The following PLXNA4 variants were observed in gnomAD, a reference collection of about 807,000 sequenced individuals.
PLXNA4 encodes the protein plexin-A4.
Under a neutral mutation model 191.8 loss-of-function variants are expected in PLXNA4, and 44 were observed. The ratio of observed to expected loss-of-function variants is 0.23; its 90% CI spans 0.18 to 0.29. The LOEUF is 0.29. Ranked by LOEUF, PLXNA4 falls within the 10% of genes least tolerant of loss-of-function variation. The probability of loss-of-function intolerance (pLI) is 1.00; values close to 1 mark genes in which losing one functional copy is unlikely to be tolerated. For synonymous variants in PLXNA4, 1,082 were observed against 1,009.5 expected (o/e 1.07, Z -1.36); for missense variants, 1,800 against 2,488.8 (o/e 0.72, Z 5.89).
chr7:132,192,392 G>T (rs1412027503), intron 14 of PLXNA4, among the ~76,000 whole-genome samples: 1 of 151,602 alleles, frequency 6.6e-6, no homozygotes, highest in East Asian at 1.9e-4. Context: ...GTCAGTTGAA[G>T]AAGGAAGAAG....
intron 3 of PLXNA4, among the ~76,000 whole-genome samples, chr7:132,425,926 A>T (rs1795026297): frequency 6.6e-6 from 1 of 152,192 alleles, no homozygotes; most frequent in African/African-American, 2.4e-5. Context: ...CCTCCTGCCC[A>T]GGCTCCCTGA....
intron 3 of PLXNA4, among the ~76,000 whole-genome samples, chr7:132,394,983 G>T (rs1793693774): frequency 6.6e-6 from 1 of 152,254 alleles, no homozygotes. Context: ...ATCACATGCA[G>T]ATGTAGTCCT....
chr7:132,346,245 G>A (rs1210149771), intron 3 of PLXNA4, among the ~76,000 whole-genome samples: 1 of 152,206 alleles, frequency 6.6e-6, no homozygotes, highest in Non-Finnish European at 1.5e-5. Flanking sequence ...AATGAGATAT[G>A]TCATAGCTTT....
intron 1 of PLXNA4, among the ~76,000 whole-genome samples, chr7:132,514,142 C>A (rs1798846845): frequency 6.6e-6 from 1 of 151,604 alleles, no homozygotes; most frequent in South Asian, 2.1e-4. Context: ...AGCTCTGCCT[C>A]CTGGGTTCAT....
intron 30 of PLXNA4, among the ~76,000 whole-genome samples, chr7:132,139,106 G>GTGAC (rs1282753293): frequency 7.9e-5 from 12 of 152,334 alleles, no homozygotes; most frequent in African/African-American, 2.9e-4. Context: ...GCCTGTCTAG[G>GTGAC]TGACTCAGAC....
chr7:132,428,234 A>C (rs1044489743), intron 3 of PLXNA4, among the ~76,000 whole-genome samples: 2 of 152,128 alleles, frequency 1.3e-5, no homozygotes, highest in African/African-American at 4.8e-5. Context: ...TCTGGCCCAA[A>C]GAGCCAGCAC....
At chr7:132,485,766 G>A (rs529053398) in intron 3 of PLXNA4, among the ~76,000 whole-genome samples, 10 of 152,282 alleles carry the variant, frequency 6.6e-5, no homozygotes, top group African/African-American at 1.7e-4. Flanking sequence ...ACCACAGGAA[G>A]AGGCTGCCAA....
chr7:132,501,096 G>C (rs565708733), intron 2 of PLXNA4, among the ~76,000 whole-genome samples: 1 of 52,420 alleles, frequency 1.9e-5, no homozygotes, highest in African/African-American at 8.1e-5. Flanking sequence ...TGCATGAGGC[G>C]TGTGTGTGTG....
intron 10 of PLXNA4, among the ~76,000 whole-genome samples, 193 bp downstream of exon 10, chr7:132,210,750 A>G (rs1292049327): frequency 1.3e-5 from 2 of 152,210 alleles, no homozygotes; most frequent in Admixed American, 6.5e-5. Context: ...GGGTGACCTC[A>G]GAACCCAGCA....
chr7:132,141,259 T>C (rs563643646), intron 29 of PLXNA4, among the ~76,000 whole-genome samples: 48 of 152,306 alleles, frequency 3.2e-4, no homozygotes, highest in African/African-American at 1.1e-3. Context: ...CTCTCTGCCA[T>C]CTACTGTATG....
intron 5 of PLXNA4, among the ~76,000 whole-genome samples, chr7:132,238,333 G>A (rs1360975346): frequency 6.6e-6 from 1 of 152,162 alleles, no homozygotes; most frequent in African/African-American, 2.4e-5. Flanking sequence ...CAATGGCTTG[G>A]TATTCACTAA....
At chr7:132,349,867 CT>C (rs139371757) in intron 3 of PLXNA4, among the ~76,000 whole-genome samples, 1 of 152,086 alleles carries the variant, frequency 6.6e-6, no homozygotes, top group African/African-American at 2.4e-5. Flanking sequence ...CATCACCGTC[CT>C]TTTTTTTAAG....
intron 1 of PLXNA4, among the ~76,000 whole-genome samples, chr7:132,555,148 T>C (rs1254373193): frequency 6.6e-6 from 1 of 151,922 alleles, no homozygotes; most frequent in Non-Finnish European, 1.5e-5. Context: ...AACGTATGTT[T>C]ACATGTGGAT....
intron 2 of PLXNA4, among the ~76,000 whole-genome samples, chr7:132,630,589 G>A (rs1045391886): frequency 1.3e-5 from 2 of 152,098 alleles, no homozygotes; most frequent in Non-Finnish European, 2.9e-5. Flanking sequence ...TTGGCTCACT[G>A]CAAGTTCCAC....
intron 3 of PLXNA4, among the ~76,000 whole-genome samples, chr7:132,325,380 T>A (rs1052997284): frequency 6.6e-6 from 1 of 152,212 alleles, no homozygotes; most frequent in Non-Finnish European, 1.5e-5. Flanking sequence ...CCCAAGGGCA[T>A]CTCAGAAAAA....
At chr7:132,255,931 T>A (rs1799416608) in intron 4 of PLXNA4, among the ~76,000 whole-genome samples, 1 of 152,246 alleles carries the variant, frequency 6.6e-6, no homozygotes, top group Non-Finnish European at 1.5e-5. Context: ...AACTATCTGA[T>A]GAAATGAGGT....
At chr7:132,416,270 T>G (rs759177806) in intron 3 of PLXNA4, among the ~76,000 whole-genome samples, 1 of 152,110 alleles carries the variant, frequency 6.6e-6, no homozygotes, top group Non-Finnish European at 1.5e-5. Context: ...AAGAAAAGGG[T>G]GAAGAGCAAA....
At chr7:132,510,314 AAAC>A (rs1313789807) in intron 1 of PLXNA4, among the ~76,000 whole-genome samples, 1 of 152,244 alleles carries the variant, frequency 6.6e-6, no homozygotes, top group African/African-American at 2.4e-5. Context: ...AGAAGGAAGA[AAAC>A]CAAATAAAGA....
At chr7:132,399,282 C>A (rs1793887116) in intron 3 of PLXNA4, among the ~76,000 whole-genome samples, 1 of 152,166 alleles carries the variant, frequency 6.6e-6, no homozygotes, top group African/African-American at 2.4e-5. Flanking sequence ...GCTTGTATGT[C>A]AGTCAAAGAC....
Sources: gnomAD v4.1 joint callset for allele counts (sites outside exome capture counted in the v4.1 genomes callset) on GRCh38, gnomAD v4.1.1 for gene constraint, MANE v1.5 for transcripts, NCBI Gene and HGNC (gene_info 2026-07-23, HGNC 2026-07-21) for gene names.